KDM4B: variants seen among roughly 807,000 people sequenced by gnomAD.
KDM4B encodes lysine-specific demethylase 4B.
Under a neutral mutation model 125.2 loss-of-function variants are expected in KDM4B, and 32 were observed. The ratio of observed to expected loss-of-function variants is 0.26; its 90% CI spans 0.19 to 0.34. The LOEUF is 0.34. Among genes scored for constraint, KDM4B ranks in the 10% least tolerant of loss-of-function variants. The probability of loss-of-function intolerance (pLI) is 1.00; values close to 1 mark genes in which losing one functional copy is unlikely to be tolerated. For missense variants in KDM4B, 1,190 were observed against 1,577.7 expected (o/e 0.75, Z 4.16); for synonymous variants, 721 against 677.9 (o/e 1.06, Z -0.99).
chr19:4,969,739 A>G (rs1174790394), intron 1 of KDM4B, among the ~76,000 whole-genome samples: 1 of 138,906 alleles, frequency 7.2e-6, no homozygotes, highest in African/African-American at 2.7e-5. Flanking sequence ...GAAGCCCCCC[A>G]GCTGGACACC....
At chr19:5,001,487 C>T (rs1023995718) in intron 1 of KDM4B, among the ~76,000 whole-genome samples, 13 of 152,214 alleles carry the variant, frequency 8.5e-5, no homozygotes. Context: ...GTCTCTCCTG[C>T]ATGTAGATAT....
chr19:4,976,823 T>C (rs2034463587), intron 1 of KDM4B, among the ~76,000 whole-genome samples: 1 of 152,192 alleles, frequency 6.6e-6, no homozygotes, highest in Non-Finnish European at 1.5e-5. Flanking sequence ...GTCTCACTCT[T>C]CTCCTGGCTG....
intron 1 of KDM4B, among the ~76,000 whole-genome samples, chr19:5,007,090 T>C (rs2035584625): frequency 6.6e-6 from 1 of 152,114 alleles, no homozygotes; most frequent in African/African-American, 2.4e-5. Context: ...AGAAGGGCCT[T>C]GGGGGAGGGC....
At chr19:5,146,939 CAAAAAAAAAAA>C (rs1182135277) in intron 21 of KDM4B, among the ~76,000 whole-genome samples, 2 of 60,558 alleles carry the variant, frequency 3.3e-5, no homozygotes, top group South Asian at 8.9e-4. Flanking sequence ...ACCCTGTCTC[CAAAAAAAAAAA>C]AAAAAAAAAA....
chr19:5,122,146 T>TC (rs2039372538), intron 11 of KDM4B, among the ~76,000 whole-genome samples: 1 of 152,130 alleles, frequency 6.6e-6, no homozygotes, highest in African/African-American at 2.4e-5. Context: ...CAGGGCTGCT[T>TC]CCTCCTGGGG....
chr19:5,100,941 C>T (rs990278354), intron 9 of KDM4B, among the ~76,000 whole-genome samples: 9 of 152,264 alleles, frequency 5.9e-5, no homozygotes, highest in Admixed American at 5.2e-4. Context: ...TCTTCTCTGG[C>T]TGGACACGGT....
intron 1 of KDM4B, among the ~76,000 whole-genome samples, chr19:4,980,570 C>T (rs113443869): frequency 6.6e-6 from 1 of 151,688 alleles, no homozygotes; most frequent in East Asian, 1.9e-4. Context: ...ATTACAGGCA[C>T]CTGCCACCAC....
intron 1 of KDM4B, among the ~76,000 whole-genome samples, chr19:4,972,089 G>A (rs142474142): frequency 5.3e-4 from 81 of 152,316 alleles, no homozygotes; most frequent in African/African-American, 1.9e-3. Context: ...AGATGCCACA[G>A]CCCTCCCCCT....
Position 5,015,649 on chromosome 19 carries a change from A to C in KDM4B, c.-108-608A>C, listed in dbSNP as rs911836573. ...AGGATCACTTGAGGCCAGGAGCTCGAGACCAGCCTGGACGCTATAGTGAGA... is the reference window on the plus strand; with the variant it reads ...AGGATCACTTGAGGCCAGGAGCTCGCGACCAGCCTGGACGCTATAGTGAGA... On this transcript the variant is annotated intron_variant, in intron 1 of 22. Transcript: ENST00000159111. Among the ~76,000 whole-genome samples, 3 of 152,298 alleles carry C rather than the reference A, an allele frequency of 2.0e-5. 1 individual carries two copies. Among genetic ancestry groups the C allele is most frequent in the Admixed American group, 1.3e-4 (2 of 15,308 alleles).
intron 2 of KDM4B, among the ~76,000 whole-genome samples, chr19:5,023,399 C>T (rs763836462): frequency 6.6e-5 from 10 of 152,200 alleles, no homozygotes; most frequent in Non-Finnish European, 1.2e-4. Flanking sequence ...GCCACATGCC[C>T]GGGGCTGGGG....
rs887125439 is a variant in KDM4B at position 5,092,498 on chromosome 19, G to T, written c.918+9994G>T. On this transcript the variant is annotated intron_variant, in intron 9 of 22. Transcript: ENST00000159111. ...TCTGCTGCCCAGGAGCTCCGGGGGG[G>T]ACACATCTCCCCAGAGGAGGGTCGG... Among the ~76,000 whole-genome samples, 3 of 152,214 alleles carry T rather than the reference G, an allele frequency of 2.0e-5. No homozygotes were observed. The East Asian group carries it at 5.8e-4, about 29-fold the overall frequency.
In KDM4B at chr19:5,082,066, CT is replaced by C. The variant is rs1168982943; in HGVS notation, c.781-300del. 1.3e-5 allele frequency among the ~76,000 whole-genome samples: 2 copies of C among 152,214 alleles called. No individual in the cohort carries two copies. The highest frequency in any genetic ancestry group is 2.9e-5 in the Non-Finnish European group (2 of 68,040). The stretch of plus-strand genomic sequence containing the variant: ...CACGGCTCCATCTGCGGTTCTCCCA[CT>C]GGGGTGATGCTGACGGCCGCCTTGG... On this transcript the variant is annotated intron_variant, in intron 8 of 22. Transcript: ENST00000159111. This position sits in a 1 kb window ranked among gnomAD's most constrained non-coding sequence, Gnocchi z 5.4.
chr19:5,106,527 C>G (rs967436640), intron 9 of KDM4B, among the ~76,000 whole-genome samples: 1 of 152,204 alleles, frequency 6.6e-6, no homozygotes, highest in South Asian at 2.1e-4. Context: ...CCCTCCTCCT[C>G]TGGGGGATTC....
intron 9 of KDM4B, among the ~76,000 whole-genome samples, chr19:5,084,576 A>AT: frequency 7.1e-6 from 1 of 140,580 alleles, no homozygotes; most frequent in Admixed American, 7.4e-5. Flanking sequence ...AATTATATGT[A>AT]TTATATATAA....
At chr19:5,086,703 GC>G (rs1399576665) in intron 9 of KDM4B, among the ~76,000 whole-genome samples, 2 of 152,140 alleles carry the variant, frequency 1.3e-5, no homozygotes, top group East Asian at 1.9e-4. Flanking sequence ...AAGCAGGTTG[GC>G]CCCCACCGCC....
rs1334820454 is a variant in KDM4B at position 5,151,718 on chromosome 19, C to T, written c.*207C>T. 9.9e-6 allele frequency: 4 copies of T among 403,402 alleles called. No individual in the cohort carries two copies. The highest frequency in any genetic ancestry group is 7.2e-5 in the East Asian group (2 of 27,834). 25.0% of individuals were successfully genotyped at this position (403,402 alleles called of 1,614,324 possible). On this transcript the variant is annotated 3_prime_UTR_variant, in exon 23 of 23. Coordinates refer to ENST00000159111, the MANE Select transcript of KDM4B (RefSeq NM_015015.3). ...AGCAGGGCCAGGCGGGCTCGGGGGC[C>T]GGCCAGGGGAGCACCCCACTCAACT... is the stretch of plus-strand genomic sequence containing the variant.
intron 10 of KDM4B, among the ~76,000 whole-genome samples, chr19:5,118,358 T>C (rs906369764): frequency 3.3e-5 from 5 of 152,318 alleles, no homozygotes; most frequent in African/African-American, 1.2e-4. Flanking sequence ...GCTGGCAGGC[T>C]TGACGTGGCT....
chr19:5,069,752 T>C (rs2037888549), intron 6 of KDM4B, among the ~76,000 whole-genome samples: 1 of 152,056 alleles, frequency 6.6e-6, no homozygotes, highest in Non-Finnish European at 1.5e-5. Flanking sequence ...TAGCTGGGAT[T>C]ACAGCCTCCT....
chr19:5,123,822 GTGTT>G (rs2039403790), intron 11 of KDM4B, among the ~76,000 whole-genome samples: 1 of 152,252 alleles, frequency 6.6e-6, no homozygotes, highest in Non-Finnish European at 1.5e-5. Context: ...GCAGGAGTCT[GTGTT>G]TGATTCTGGA....
Sources: allele counts gnomAD v4.1 joint callset (sites outside exome capture counted in the v4.1 genomes callset), GRCh38; gene constraint gnomAD v4.1.1; non-coding constraint Gnocchi (gnomAD v3.1); transcripts MANE v1.5; gene names NCBI Gene and HGNC (gene_info 2026-07-23, HGNC 2026-07-21).